TNFSF4: variants seen among roughly 807,000 people sequenced by gnomAD.
TNFSF4 encodes the protein tumor necrosis factor ligand superfamily member 4.
In TNFSF4, 4 loss-of-function variants were observed where a neutral mutation model predicts 7.3. The ratio of observed to expected loss-of-function variants is 0.55; its 90% CI spans 0.27 to 1.25. The LOEUF (loss-of-function observed/expected upper bound fraction) is 1.25, where lower values mean the gene tolerates loss of function less well. Among genes scored for constraint, TNFSF4 ranks in the 50% most tolerant of loss-of-function variants. The pLI, the probability that TNFSF4 is intolerant of heterozygous loss-of-function variation, is 0.12. For synonymous variants in TNFSF4, 76 were observed against 83.7 expected, an observed-to-expected ratio of 0.91 and a Z score of 0.50; for missense variants, 181 against 208.8, an observed-to-expected ratio of 0.87 and a Z score of 0.82.
At chr1:173,376,604 TTCTATG>T in the TNFSF4 span, among the ~76,000 whole-genome samples, 1 of 152,102 alleles carries the variant, frequency 6.6e-6, no homozygotes, top group Non-Finnish European at 1.5e-5. Context: ...CCAATCAGTG[TTCTATG>T]TCTAACTAAA....
the TNFSF4 span, among the ~76,000 whole-genome samples, chr1:173,343,301 G>A: frequency 6.6e-6 from 1 of 152,182 alleles, no homozygotes; most frequent in Admixed American, 6.6e-5. Context: ...CTACAAATAG[G>A]ATAGTCGGAC....
the TNFSF4 span, among the ~76,000 whole-genome samples, chr1:173,416,608 T>TTTTA: frequency 1.3e-4 from 16 of 121,942 alleles, no homozygotes; most frequent in Non-Finnish European, 1.7e-4. Flanking sequence ...ATTTTTTTAT[T>TTTTA]TTTATTTATT....
chr1:173,182,044 C>A (rs1441619908), downstream of TNFSF4, among the ~76,000 whole-genome samples: 1 of 152,158 alleles, frequency 6.6e-6, no homozygotes, highest in Non-Finnish European at 1.5e-5. Flanking sequence ...GTGCTCCTAA[C>A]ATTCCATTTG....
chr1:173,321,926 A>G, the TNFSF4 span, among the ~76,000 whole-genome samples: 5 of 152,198 alleles, frequency 3.3e-5, no homozygotes, highest in Admixed American at 3.3e-4. Flanking sequence ...AGGATCTGGA[A>G]CCAGTAATAC....
At chr1:173,226,434 G>T in the TNFSF4 span, among the ~76,000 whole-genome samples, 1 of 152,144 alleles carries the variant, frequency 6.6e-6, no homozygotes, top group African/African-American at 2.4e-5. Context: ...ATATGATCCA[G>T]CTTTGACTAT....
chr1:173,383,658 G>A, the TNFSF4 span, among the ~76,000 whole-genome samples: 1 of 151,982 alleles, frequency 6.6e-6, no homozygotes, highest in East Asian at 1.9e-4. Context: ...TTCCCACAGA[G>A]AATTAAGCAA....
the TNFSF4 span, among the ~76,000 whole-genome samples, chr1:173,350,448 C>T: frequency 6.6e-6 from 1 of 152,150 alleles, no homozygotes; most frequent in African/African-American, 2.4e-5. Flanking sequence ...CAGAACAAGG[C>T]AAGTGGGTGT....
At chr1:173,385,184 T>C in the TNFSF4 span, among the ~76,000 whole-genome samples, 1 of 152,204 alleles carries the variant, frequency 6.6e-6, no homozygotes, top group Non-Finnish European at 1.5e-5. Context: ...TCTTGATGCA[T>C]TTATCTCTGG....
At chr1:173,441,141 A>G in the TNFSF4 span, among the ~76,000 whole-genome samples, 1 of 151,938 alleles carries the variant, frequency 6.6e-6, no homozygotes, top group African/African-American at 2.4e-5. Context: ...CACCACACTC[A>G]CCCCAAAGCC....
chr1:173,406,139 G>A, the TNFSF4 span, among the ~76,000 whole-genome samples: 6 of 152,258 alleles, frequency 3.9e-5, no homozygotes, highest in African/African-American at 1.4e-4. Context: ...CCAAAACTGA[G>A]GTAGACATTG....
rs1410044057 is a variant in TNFSF4, at chr1:173,186,873, G to T, written c.203-8C>A. 1 of 1,549,002 alleles carries T rather than the reference G, an allele frequency of 6.5e-7. No individual in the cohort carries two copies. Among genetic ancestry groups the T allele is most frequent in the Non-Finnish European group, 8.7e-7 (1 of 1,146,384 alleles). ...CTTTCTCCTTCTTATATTCTAGGGA[G>T]GATAGGGGAAAATTTGTTTAATTAA... On this transcript the variant is annotated splice_polypyrimidine_tract_variant and splice_region_variant and intron_variant, in intron 2 of 2. Coordinates refer to ENST00000281834, the MANE Select transcript of TNFSF4 (RefSeq NM_003326.5).
intron 1 of TNFSF4, among the ~76,000 whole-genome samples, chr1:173,189,441 T>C (rs1321914014): frequency 6.6e-6 from 1 of 152,160 alleles, no homozygotes; most frequent in Non-Finnish European, 1.5e-5. Flanking sequence ...CAGAGCTCAA[T>C]ATATTTGGTG....
the TNFSF4 span, among the ~76,000 whole-genome samples, chr1:173,276,278 T>A: frequency 6.6e-6 from 1 of 152,024 alleles, no homozygotes; most frequent in East Asian, 1.9e-4. Context: ...CACTGCCCAG[T>A]GAGTGCAATT....
At chr1:173,374,849 T>C in the TNFSF4 span, among the ~76,000 whole-genome samples, 9 of 152,166 alleles carry the variant, frequency 5.9e-5, no homozygotes, top group African/African-American at 2.2e-4. Context: ...ACAATACCCC[T>C]ACTTATAGGG....
chr1:173,285,421 A>G, the TNFSF4 span, among the ~76,000 whole-genome samples: 1 of 152,214 alleles, frequency 6.6e-6, no homozygotes, highest in Non-Finnish European at 1.5e-5. Context: ...TGAATATTCC[A>G]TAAACTTAGT....
chr1:173,416,217 G>A, the TNFSF4 span, among the ~76,000 whole-genome samples: 1 of 152,196 alleles, frequency 6.6e-6, no homozygotes, highest in Non-Finnish European at 1.5e-5. Flanking sequence ...AGTGGCAGCA[G>A]CTGGGCTGTG....
chr1:173,258,824 G>C, the TNFSF4 span, among the ~76,000 whole-genome samples: 3 of 152,104 alleles, frequency 2.0e-5, no homozygotes, highest in Non-Finnish European at 4.4e-5. Flanking sequence ...CTCCAGCCAG[G>C]GGGTTATGGA....
chr1:173,254,087 A>G, the TNFSF4 span, among the ~76,000 whole-genome samples: 15 of 152,352 alleles, frequency 9.8e-5, no homozygotes, highest in East Asian at 2.7e-3. Context: ...AATTAATACA[A>G]TGCAAAGGTA....
At chr1:173,265,711 A>G in the TNFSF4 span, among the ~76,000 whole-genome samples, 3 of 152,160 alleles carry the variant, frequency 2.0e-5, no homozygotes, top group African/African-American at 4.8e-5. Flanking sequence ...AAATCCAACC[A>G]CATGACTCCC....
Sources: allele counts gnomAD v4.1 joint callset (sites outside exome capture counted in the v4.1 genomes callset), GRCh38; gene constraint gnomAD v4.1.1; transcripts MANE v1.5; gene names NCBI Gene and HGNC (gene_info 2026-07-23, HGNC 2026-07-21).